Variants in SLAMF6 observed in about 807,000 individuals in gnomAD.
The protein encoded by SLAMF6 is NK-T-B-antigen.
Under a neutral mutation model 38.3 loss-of-function variants are expected in SLAMF6, and 21 were observed. That is an observed-to-expected ratio of 0.55 (90% CI 0.39 to 0.79). The LOEUF (loss-of-function observed/expected upper bound fraction) is 0.79. Among genes scored for constraint, SLAMF6 ranks in the 30% least tolerant of loss-of-function variants. The pLI, the probability that SLAMF6 is intolerant of heterozygous loss-of-function variation, is 0.00. For missense variants in SLAMF6, 341 were observed against 385.3 expected (o/e 0.89, Z 0.96); for synonymous variants, 152 against 146.3 (o/e 1.04, Z -0.28).
At chr1:160,515,442 G>A (rs1654691638) in intron 1 of SLAMF6, among the ~76,000 whole-genome samples, 1 of 152,130 alleles carries the variant, frequency 6.6e-6, no homozygotes, top group Non-Finnish European at 1.5e-5. Flanking sequence ...AGAGGACCTG[G>A]CACCATTTCT....
At chr1:160,519,271 C>T (rs1654879979) in intron 1 of SLAMF6, among the ~76,000 whole-genome samples, 1 of 152,070 alleles carries the variant, frequency 6.6e-6, no homozygotes, top group South Asian at 2.1e-4. Context: ...CCACTTCACA[C>T]CTATTAGGAT....
At chr1:160,517,510 C>G (rs1272435676) in intron 1 of SLAMF6, among the ~76,000 whole-genome samples, 1 of 152,118 alleles carries the variant, frequency 6.6e-6, no homozygotes, top group Non-Finnish European at 1.5e-5. Flanking sequence ...TGGGTATATA[C>G]CCAAAGGAAT....
At chr1:160,496,028 C>T in intron 2 of SLAMF6, 33 bp downstream of exon 2, 2 of 1,562,948 alleles carry the variant, frequency 1.3e-6, no homozygotes, top group South Asian at 1.1e-5. Context: ...ATTTTTCAGT[C>T]CATATGGAAT....
At chr1:160,508,717 C>T (rs1359860952) in intron 1 of SLAMF6, among the ~76,000 whole-genome samples, 2 of 152,094 alleles carry the variant, frequency 1.3e-5, no homozygotes, top group African/African-American at 4.8e-5. Flanking sequence ...TCAGAGTGAA[C>T]AGACAACCTA....
chr1:160,509,786 C>G (rs1249520190), intron 1 of SLAMF6, among the ~76,000 whole-genome samples: 2 of 151,748 alleles, frequency 1.3e-5, no homozygotes, highest in Admixed American at 1.3e-4. Flanking sequence ...AATAGAAAAA[C>G]AAGAGAAATA....
chr1:160,490,899 T>C (rs1444252215), intron 3 of SLAMF6, among the ~76,000 whole-genome samples: 3 of 151,978 alleles, frequency 2.0e-5, no homozygotes, highest in African/African-American at 7.3e-5. Flanking sequence ...CCCAGGCCTT[T>C]GATTTTGGGT....
rs1280087650 is a variant in SLAMF6, at chr1:160,486,566, A to C, written c.*141T>G. 1 of 788,580 alleles carries C rather than the reference A, an allele frequency of 1.3e-6. No individual in the cohort carries two copies. Among genetic ancestry groups the C allele is most frequent in the Non-Finnish European group, 2.1e-6 (1 of 485,668 alleles). 48.8% of individuals were successfully genotyped at this position (788,580 alleles called of 1,614,324 possible). Reference sequence around the variant, plus strand: ...CTCAGGTAGGCAGGTTTAAGTCCGAAGGACTGGAGGTGATCATCCTATCCT... The same window carrying C: ...CTCAGGTAGGCAGGTTTAAGTCCGACGGACTGGAGGTGATCATCCTATCCT... On this transcript the variant is annotated 3_prime_UTR_variant, in exon 8 of 8. Coordinates refer to ENST00000368057, the MANE Select transcript of SLAMF6 (RefSeq NM_001184714.2).
intron 2 of SLAMF6, among the ~76,000 whole-genome samples, chr1:160,493,116 G>T: frequency 6.6e-6 from 1 of 152,246 alleles, no homozygotes; most frequent in Non-Finnish European, 1.5e-5. Flanking sequence ...AAGTCTTTGT[G>T]ATGGCTCTCA....
rs1156856400 is a variant in SLAMF6, at chr1:160,486,986, C to CAT, written c.951+116_951+117dup. On this transcript the variant is annotated intron_variant, in intron 7 of 7. Coordinates refer to ENST00000368057, the MANE Select transcript of SLAMF6 (RefSeq NM_001184714.2). ...TTTGGTGATGTCCTGAGACTTTCCGCATGCTGCTGCTGTTTGTGCATCTGT... is the reference window on the plus strand; with the variant it reads ...TTTGGTGATGTCCTGAGACTTTCCGCATATGCTGCTGCTGTTTGTGCATCTGT... 4.0e-6 allele frequency: 4 copies of CAT among 999,546 alleles called. No homozygotes were observed. In the African/African-American group the frequency reaches 6.6e-5, roughly 17 times the overall value. 61.9% of individuals were successfully genotyped at this position (999,546 alleles called of 1,614,324 possible).
At chr1:160,519,224 T>C (rs1040547201) in intron 1 of SLAMF6, among the ~76,000 whole-genome samples, 5 of 152,306 alleles carry the variant, frequency 3.3e-5, no homozygotes, top group African/African-American at 9.6e-5. Flanking sequence ...AAATCATTTG[T>C]CATTGGGAAA....
At position 160,523,229 on chromosome 1, in the gene SLAMF6, G is replaced by A. The variant is rs767441431; in HGVS notation, c.-37C>T. 1.2e-6 allele frequency: 2 copies of A among 1,606,856 alleles called. No homozygotes were observed. The highest frequency in any genetic ancestry group is 2.2e-5 in the South Asian group (2 of 89,616). ...TGAAGACTGGTGCTTGAGACCTTGA[G>A]GCAGTCAATGTTTTTGCCCTTCTGT... On this transcript the variant is annotated 5_prime_UTR_variant, in exon 1 of 8. Coordinates refer to ENST00000368057, the MANE Select transcript of SLAMF6 (RefSeq NM_001184714.2).
At chr1:160,486,836 G>A (rs1016252680) in intron 7 of SLAMF6, 82 bp from the exon 8 acceptor site, 1 of 1,480,288 alleles carries the variant, frequency 6.8e-7, no homozygotes, top group African/African-American at 1.4e-5. Flanking sequence ...AGAGAGGACT[G>A]GAGACTACAG....
intron 1 of SLAMF6, among the ~76,000 whole-genome samples, chr1:160,504,036 C>CA (rs1654052037): frequency 2.7e-4 from 3 of 11,194 alleles, no homozygotes; most frequent in South Asian, 2.9e-3. Context: ...AAAAAAAAAG[C>CA]AAAAGAAAAA....
intron 2 of SLAMF6, 22 bp downstream of exon 2, chr1:160,496,039 T>C (rs1293182216): frequency 6.3e-7 from 1 of 1,597,710 alleles, no homozygotes; most frequent in African/African-American, 1.3e-5. Flanking sequence ...CATATGGAAT[T>C]AAACCCCATA....
At chr1:160,504,133 G>A (rs1008621085) in intron 1 of SLAMF6, among the ~76,000 whole-genome samples, 3 of 151,946 alleles carry the variant, frequency 2.0e-5, no homozygotes, top group Non-Finnish European at 4.4e-5. Flanking sequence ...GAGGAAATGG[G>A]GAGATGTAGG....
At chr1:160,513,888 A>G (rs1205653129) in intron 1 of SLAMF6, among the ~76,000 whole-genome samples, 4 of 152,212 alleles carry the variant, frequency 2.6e-5, no homozygotes, top group Non-Finnish European at 4.4e-5. Context: ...AGGAAAAGCC[A>G]TTATCAGCCA....
chr1:160,515,183 C>T (rs547161826), intron 1 of SLAMF6, among the ~76,000 whole-genome samples: 1 of 152,260 alleles, frequency 6.6e-6, no homozygotes, highest in South Asian at 2.1e-4. Flanking sequence ...GAGGATATCA[C>T]TACTGACCCC....
chr1:160,522,040 T>A (rs1655006869), intron 1 of SLAMF6, among the ~76,000 whole-genome samples: 6 of 152,214 alleles, frequency 3.9e-5, no homozygotes, highest in Admixed American at 3.9e-4. Flanking sequence ...AGGTGCTCAA[T>A]GAATATTTAT....
rs116966508 is a variant in SLAMF6, at chr1:160,491,501, G to T, written c.383-113C>A. The T allele has an allele frequency of 1.8e-4, 265 of 1,452,984 alleles. No homozygotes were observed. In the East Asian group the frequency reaches 6.0e-3, roughly 33 times the overall value. The allele number at this position is 1,452,984 out of a possible 1,614,324, so 90.0% of individuals were successfully genotyped here. On this transcript the variant is annotated intron_variant, in intron 2 of 7. Transcript: ENST00000368057. Reference sequence around the variant, plus strand: ...GTATTTCACCTTTGCTGTGTGTTATGGTCTGTAGACTCTGTAAATGACTCT... The same window carrying T: ...GTATTTCACCTTTGCTGTGTGTTATTGTCTGTAGACTCTGTAAATGACTCT...
Sources: allele counts gnomAD v4.1 joint callset (sites outside exome capture counted in the v4.1 genomes callset), GRCh38; gene constraint gnomAD v4.1.1; transcripts MANE v1.5; gene names NCBI Gene and HGNC (gene_info 2026-07-23, HGNC 2026-07-21).